MGST1: variants seen among roughly 807,000 people sequenced by gnomAD.
The protein encoded by MGST1 is microsomal glutathione S-transferase 1, also known as glutathione S-transferase 12.
Under a neutral mutation model 8.9 loss-of-function variants are expected in MGST1, and 5 were observed. The ratio of observed to expected loss-of-function variants is 0.56; its 90% CI spans 0.29 to 1.19. The LOEUF is 1.19. MGST1 is among the 50% of genes most tolerant of loss of function. MGST1 has a pLI of 0.08. For synonymous variants in MGST1, 54 were observed against 67.8 expected (o/e 0.80, Z 1.00); for missense variants, 182 against 187.4 (o/e 0.97, Z 0.17).
At chr12:16,436,914 T>C (rs1940992001) in intron 1 of MGST1, among the ~76,000 whole-genome samples, 1 of 151,998 alleles carries the variant, frequency 6.6e-6, no homozygotes, top group South Asian at 2.1e-4. Flanking sequence ...AGATATGACA[T>C]GATCATTGCC....
chr12:16,541,599 G>T (rs532734122), intron 4 of MGST1, among the ~76,000 whole-genome samples: 1 of 152,148 alleles, frequency 6.6e-6, no homozygotes, highest in Non-Finnish European at 1.5e-5. Context: ...ACATTAAAAA[G>T]TTAGGGTAGA....
At chr12:16,551,446 G>A in intron 4 of MGST1, 1 of 642,148 alleles carries the variant, frequency 1.6e-6, no homozygotes, top group Non-Finnish European at 2.8e-6. Context: ...TGAAAACCTG[G>A]CTTAGACAGT....
intron 4 of MGST1, among the ~76,000 whole-genome samples, chr12:16,553,484 A>G (rs1942071241): frequency 6.6e-6 from 1 of 152,306 alleles, no homozygotes; most frequent in East Asian, 1.9e-4. Flanking sequence ...AGAGCGAGAG[A>G]GAGACAGAAC....
intron 4 of MGST1, among the ~76,000 whole-genome samples, chr12:16,465,633 C>T (rs1295434833): frequency 1.3e-5 from 2 of 152,288 alleles, no homozygotes; most frequent in South Asian, 2.1e-4. Context: ...CCTATCACCC[C>T]GGATGGGACT....
intron 1 of MGST1, chr12:16,399,669 A>C (rs1203167202): frequency 1.3e-6 from 2 of 1,551,964 alleles, no homozygotes; most frequent in South Asian, 2.2e-5. Context: ...AAAAGACCAG[A>C]CACCTTGTTC....
intron 4 of MGST1, among the ~76,000 whole-genome samples, chr12:16,519,201 C>G (rs981647825): frequency 2.0e-5 from 3 of 152,148 alleles, no homozygotes; most frequent in Non-Finnish European, 4.4e-5. Flanking sequence ...TTTTCCAGAG[C>G]TGCCGTGAAG....
At chr12:16,556,791 T>C (rs573615495) in intron 4 of MGST1, among the ~76,000 whole-genome samples, 48 of 152,304 alleles carry the variant, frequency 3.2e-4, no homozygotes, top group Non-Finnish European at 5.6e-4. Context: ...GCTTGACTGA[T>C]GAAGATTAGC....
intron 1 of MGST1, among the ~76,000 whole-genome samples, chr12:16,387,010 G>T (rs1337290548): frequency 6.6e-6 from 1 of 152,154 alleles, no homozygotes; most frequent in African/African-American, 2.4e-5. Flanking sequence ...TGGCCCCAAA[G>T]TCCAAGAGTA....
At chr12:16,446,278 C>A (rs1941079002) in intron 4 of MGST1, among the ~76,000 whole-genome samples, 1 of 151,882 alleles carries the variant, frequency 6.6e-6, no homozygotes, top group African/African-American at 2.4e-5. Flanking sequence ...TGCAGAGTGA[C>A]TAAGGAAATT....
At chr12:16,477,805 A>G (rs1304091882) in intron 4 of MGST1, among the ~76,000 whole-genome samples, 2 of 152,078 alleles carry the variant, frequency 1.3e-5, no homozygotes, top group African/African-American at 2.4e-5. Context: ...CTGTTCTGTC[A>G]TATTGTCTCA....
At chr12:16,469,364 T>G (rs1941277303) in intron 4 of MGST1, among the ~76,000 whole-genome samples, 1 of 152,006 alleles carries the variant, frequency 6.6e-6, no homozygotes, top group African/African-American at 2.4e-5. Flanking sequence ...TTTTTTTGTA[T>G]TTTTAGTAGA....
At chr12:16,470,144 T>C (rs563659925) in intron 4 of MGST1, among the ~76,000 whole-genome samples, 24 of 152,332 alleles carry the variant, frequency 1.6e-4, no homozygotes, top group African/African-American at 4.8e-4. Context: ...GTAATTGCTA[T>C]ACTGTTGGTA....
At chr12:16,446,982 T>C (rs919580215) in intron 4 of MGST1, among the ~76,000 whole-genome samples, 2 of 151,950 alleles carry the variant, frequency 1.3e-5, no homozygotes, top group Admixed American at 1.3e-4. Flanking sequence ...CCTCACATCA[T>C]ATAGTCTTTG....
At chr12:16,478,302 A>G (rs1283758170) in intron 4 of MGST1, among the ~76,000 whole-genome samples, 12 of 152,178 alleles carry the variant, frequency 7.9e-5, no homozygotes, top group Non-Finnish European at 1.6e-4. Context: ...TGTTGGGATT[A>G]CAGGCGTGAG....
intron 1 of MGST1, among the ~76,000 whole-genome samples, chr12:16,387,735 C>T (rs1591714441): frequency 6.6e-6 from 1 of 152,046 alleles, no homozygotes; most frequent in African/African-American, 2.4e-5. Context: ...ACCGTGTTAA[C>T]CAGGATGGTC....
intron 4 of MGST1, chr12:16,551,212 T>A: frequency 6.6e-7 from 1 of 1,507,596 alleles, no homozygotes; most frequent in Admixed American, 1.7e-5. Context: ...AATGGGGTGA[T>A]GTTGATAGAT....
rs1235508412 is a variant in MGST1 at position 16,413,098 on chromosome 12, T to C, written n.779-24290T>C. 2.0e-5 allele frequency among the ~76,000 whole-genome samples: 3 copies of C among 152,112 alleles called. No individual in the cohort carries two copies. Among genetic ancestry groups the C allele is most frequent in the African/African-American group, 7.2e-5 (3 of 41,434 alleles). Reference sequence around the variant, plus strand: ...GTGGTTAATTTAGGGGTGAGTTGTGTGGCTACTCAATGAACATCACTTTAA... The same window carrying C: ...GTGGTTAATTTAGGGGTGAGTTGTGCGGCTACTCAATGAACATCACTTTAA... On this transcript the variant is annotated intron_variant and non_coding_transcript_variant, in intron 1 of 1. Transcript: ENST00000359720. The surrounding 1 kb of genome is among the most constrained non-coding windows in gnomAD (Gnocchi z 4.0).
intron 4 of MGST1, among the ~76,000 whole-genome samples, chr12:16,476,959 C>T (rs1393690737): frequency 1.3e-5 from 2 of 152,138 alleles, no homozygotes; most frequent in Non-Finnish European, 1.5e-5. Context: ...GCCAATCAGT[C>T]TTAATCTATC....
chr12:16,357,775 G>A, intron 3 of MGST1, 76 bp downstream of exon 3: 3 of 1,203,176 alleles, frequency 2.5e-6, no homozygotes, highest in Non-Finnish European at 3.6e-6. Context: ...ATGTCTCAGG[G>A]TCTTGGAGAC....
Sources: gnomAD v4.1 joint callset for allele counts (sites outside exome capture counted in the v4.1 genomes callset) on GRCh38, gnomAD v4.1.1 for gene constraint, Gnocchi (gnomAD v3.1) non-coding constraint, MANE v1.5 for transcripts, NCBI Gene and HGNC (gene_info 2026-07-23, HGNC 2026-07-21) for gene names.